The following CCT3 variants were observed in gnomAD, a reference collection of about 807,000 sequenced individuals.
CCT3 encodes chaperonin containing TCP1 subunit 3, also known as T-complex protein 1 subunit gamma.
CCT3 carries 10 observed loss-of-function variants against 65.3 expected under a neutral mutation model. The ratio of observed to expected loss-of-function variants is 0.15; its 90% confidence interval spans 0.09 to 0.26. The LOEUF (loss-of-function observed/expected upper bound fraction) is 0.26, where lower values mean the gene tolerates loss of function less well. Among genes scored for constraint, CCT3 ranks in the 10% least tolerant of loss-of-function variants. CCT3 has a pLI of 1.00. For synonymous variants in CCT3, 225 were observed against 242.3 expected (o/e 0.93, Z 0.66); for missense variants, 626 against 708.7 (o/e 0.88, Z 1.33).
chr1:156,334,765 T>C lies in CCT3; in HGVS notation c.155A>G (p.Asp52Gly), dbSNP rs146545250. Residue 52 changes from aspartate (D) to glycine (G), a missense_variant, in exon 4 of 14, where the codon GAC becomes GGC. By Grantham distance (94) the Asp-to-Gly change is moderately conservative (BLOSUM62 -1). Transcript: ENST00000295688. The stretch of plus-strand genomic sequence containing the variant: ...GGTCATCACAATGCCTCCCATTGGG[T>C]CCAAAAGCATCTAAGATGAAAGCAA... ...GPKSMMKMLL[D>G]PMGGIVMTND... is the part of the protein sequence containing the mutation. 3.7e-6 allele frequency: 6 copies of C among 1,613,862 alleles called. No homozygotes were observed. In the African/African-American group the frequency reaches 8.0e-5, roughly 22 times the overall value.
chr1:156,332,695 C>T (rs1000732826), intron 5 of CCT3: 7 of 152,168 alleles, frequency 4.6e-5, no homozygotes, highest in Admixed American at 1.3e-4. Flanking sequence ...TTGATGATTT[C>T]GGTATTTATA....
chr1:156,334,847 T>C (rs765061037), intron 3 of CCT3, 21 bp downstream of exon 3: 3 of 1,613,738 alleles, frequency 1.9e-6, no homozygotes, highest in African/African-American at 1.3e-5. Flanking sequence ...GCCTAAGAGT[T>C]TTAGGAAGAG....
intron 5 of CCT3, among the ~76,000 whole-genome samples, chr1:156,329,262 A>G (rs1033797339): frequency 4.0e-5 from 6 of 151,148 alleles, no homozygotes; most frequent in African/African-American, 9.7e-5. Flanking sequence ...CATAGTAATG[A>G]GACTGCCTAA....
At chr1:156,335,950 A>C (rs1233376044) in intron 1 of CCT3, 62 bp from the exon 2 acceptor site, 16 of 1,313,414 alleles carry the variant, frequency 1.2e-5, no homozygotes, top group Non-Finnish European at 1.7e-5. Flanking sequence ...CAAGCTATTT[A>C]TTTCCCCGTC....
intron 11 of CCT3, 61 bp downstream of exon 11, chr1:156,311,980 G>T: frequency 7.3e-7 from 1 of 1,379,076 alleles, no homozygotes; most frequent in South Asian, 1.6e-5. Context: ...AGGCCCTTTG[G>T]GAAACTCTCA....
At chr1:156,309,334 C>T (rs752242504) in intron 13 of CCT3, 31 bp from the exon 14 acceptor site, 2 of 1,449,212 alleles carry the variant, frequency 1.4e-6, no homozygotes, top group East Asian at 2.3e-5. Flanking sequence ...GCAAAGAGGT[C>T]AGCAGAGAAG....
rs747545680 is a variant in CCT3 at position 156,335,841 on chromosome 1, T to C, written c.79A>G (p.Ile27Val). 7 of 1,613,984 alleles carry C rather than the reference T, an allele frequency of 4.3e-6. No individual in the cohort carries two copies. Among genetic ancestry groups the C allele is most frequent in the Non-Finnish European group, 5.9e-6 (7 of 1,179,968 alleles). ...AGATTTGTGACCTTGGCAGCATTGA[T>C]GTTTCCAGATTGAACTTTTCTTCCG... ...ESGRKVQSGN[I>V]NAAKTIADII... Residue 27 changes from isoleucine (I) to valine (V), a missense_variant, in exon 2 of 14, where the codon ATC (isoleucine) becomes GTC (valine). Coordinates refer to ENST00000295688, the MANE Select transcript of CCT3 (RefSeq NM_005998.5).
intron 11 of CCT3, among the ~76,000 whole-genome samples, chr1:156,311,592 G>A (rs1040629616): frequency 3.3e-5 from 5 of 152,126 alleles, no homozygotes; most frequent in Non-Finnish European, 5.9e-5. Flanking sequence ...GCATGGTGTT[G>A]TACACTCTCC....
intron 4 of CCT3, among the ~76,000 whole-genome samples, 156 bp downstream of exon 4, chr1:156,334,557 C>T (rs932612840): frequency 2.0e-5 from 3 of 152,150 alleles, no homozygotes; most frequent in Admixed American, 2.0e-4. Context: ...TAGCTTCATT[C>T]TATAAGATAA....
intron 5 of CCT3, among the ~76,000 whole-genome samples, chr1:156,332,077 G>A (rs1451433166): frequency 6.0e-5 from 9 of 150,928 alleles, no homozygotes; most frequent in African/African-American, 1.9e-4. Context: ...CCAGGTTGGA[G>A]TGCAGTGGCA....
intron 5 of CCT3, among the ~76,000 whole-genome samples, chr1:156,331,094 C>T (rs1276687441): frequency 2.6e-5 from 4 of 151,088 alleles, no homozygotes; most frequent in South Asian, 2.1e-4. Flanking sequence ...TAGCCGGGCG[C>T]GGTGGTGGGC....
At chr1:156,327,296 C>T (rs1454509736) in intron 5 of CCT3, among the ~76,000 whole-genome samples, 2 of 151,480 alleles carry the variant, frequency 1.3e-5, no homozygotes, top group Non-Finnish European at 3.0e-5. Flanking sequence ...TCCCTCTCCA[C>T]GGTCTCCCTC....
chr1:156,321,140 T>G, intron 6 of CCT3, 115 bp from the exon 7 acceptor site: 1 of 818,060 alleles, frequency 1.2e-6, no homozygotes, highest in East Asian at 2.6e-5. Flanking sequence ...ACAAGGGGAT[T>G]TGTTCCTTTG....
intron 10 of CCT3, among the ~76,000 whole-genome samples, chr1:156,315,106 C>T (rs1245604037): frequency 6.6e-6 from 1 of 152,184 alleles, no homozygotes; most frequent in African/African-American, 2.4e-5. Flanking sequence ...GACAGAAAGA[C>T]CAGCCCGTTC....
intron 2 of CCT3, 131 bp downstream of exon 2, chr1:156,335,696 A>G (rs1035448206): frequency 1.4e-5 from 9 of 656,732 alleles, no homozygotes; most frequent in African/African-American, 1.3e-4. Flanking sequence ...AATGTTCTGA[A>G]AGAGGTCAAC....
rs12037462 is a variant in CCT3, at chr1:156,313,778, T to G, written c.975-1557A>C. Among the ~76,000 whole-genome samples, 1,145 of 152,334 alleles carry G rather than the reference T, an allele frequency of 7.5e-3. 101 individuals carry two copies. The East Asian group carries it at 0.2, about 26-fold the overall frequency. On this transcript the variant is annotated intron_variant, in intron 10 of 13. Coordinates refer to ENST00000295688, the MANE Select transcript of CCT3 (RefSeq NM_005998.5). ...TCAGAGAAGGACCTGTAAGGCTTAT[T>G]ACACATGGTACTTCATGTAAAGAAC... is the stretch of plus-strand genomic sequence containing the variant.
intron 13 of CCT3, 35 bp from the exon 14 acceptor site, chr1:156,309,338 A>T (rs1226484484): frequency 7.2e-7 from 1 of 1,382,718 alleles, no homozygotes; most frequent in East Asian, 2.3e-5. Context: ...AGAGGTCAGC[A>T]GAGAAGGAAA....
chr1:156,312,252 A>G (rs1405414917), intron 10 of CCT3, 31 bp from the exon 11 acceptor site: 1 of 1,600,792 alleles, frequency 6.2e-7, no homozygotes, highest in African/African-American at 1.3e-5. Context: ...GGAGAATCAG[A>G]TGATTTCAGA....
At chr1:156,337,380 C>A in intron 1 of CCT3, 1 of 186,352 alleles carries the variant, frequency 5.4e-6, no homozygotes, top group South Asian at 7.2e-5. Flanking sequence ...TGCAACCCAG[C>A]CTGGGTGACA....
Sources: gnomAD v4.1 joint callset for allele counts (sites outside exome capture counted in the v4.1 genomes callset) on GRCh38, gnomAD v4.1.1 for gene constraint, MANE v1.5 for transcripts, NCBI Gene and HGNC (gene_info 2026-07-23, HGNC 2026-07-21) for gene names.